PEAK3: variants seen among roughly 807,000 people sequenced by gnomAD.
PEAK3 encodes PEAK family member 3, also known as protein PEAK3.
PEAK3 carries 15 observed loss-of-function variants against 13.3 expected under a neutral mutation model. That is an observed-to-expected ratio of 1.13 (90% CI 0.75 to 1.73). PEAK3 has a LOEUF of 1.73. Ranked by LOEUF, PEAK3 falls within the 40% of genes most tolerant of loss-of-function variation. PEAK3 has a pLI of 0.00. For missense variants in PEAK3, 739 were observed against 690.2 expected (o/e 1.07, Z -0.79); for synonymous variants, 347 against 341.9 (o/e 1.01, Z -0.17).
chr19:2,275,734 C>G lies in PEAK3; in HGVS notation c.1368G>C (p.Leu456=). The G allele has an allele frequency of 5.7e-6, 9 of 1,566,174 alleles. No homozygotes were observed. Among genetic ancestry groups the G allele is most frequent in the Non-Finnish European group, 7.8e-6 (9 of 1,158,058 alleles). Residue 456 remains leucine, a synonymous_variant, in exon 4 of 4, where the codon CTG becomes CTC. Coordinates refer to ENST00000342063, the MANE Select transcript of PEAK3 (RefSeq NM_198532.3). ...CCATCGAGGACTCGGTGGCCTCGGC[C>G]AGGTATTCGCAACACAGCCAGTCCT... ...SLEDWLCCEY[L]AEATESSMGQ...
At position 2,280,937 on chromosome 19, in the gene PEAK3, TG is replaced by T; in HGVS notation, c.-4-3del. ...GGGGGCTCCGGGCTGCTCATGTTGC[TG>T]GGGAAAGGTCAAACGGGGCGTGTGT... is the stretch of plus-strand genomic sequence containing the variant. On this transcript the variant is annotated splice_region_variant and splice_polypyrimidine_tract_variant and intron_variant, in intron 1 of 3. Coordinates refer to ENST00000342063, the MANE Select transcript of PEAK3 (RefSeq NM_198532.3). 6.5e-7 allele frequency: 1 copy of T among 1,546,068 alleles called. No homozygotes were observed. The highest frequency in any genetic ancestry group is 1.4e-5 in the African/African-American group (1 of 71,588).
Position 2,275,619 on chromosome 19 carries a change from C to G in PEAK3, c.*61G>C. On this transcript the variant is annotated 3_prime_UTR_variant, in exon 4 of 4. Coordinates refer to ENST00000342063, the MANE Select transcript of PEAK3 (RefSeq NM_198532.3). ...TCTTGGCTATCATGGAGACGCTGAC[C>G]TCAGCCCCAGCCCTGCCTCCTGGGC... 1 of 1,333,764 alleles carries G rather than the reference C, an allele frequency of 7.5e-7. No individual in the cohort carries two copies. Among genetic ancestry groups the G allele is most frequent in the South Asian group, 1.9e-5 (1 of 51,404 alleles). 82.6% of individuals were successfully genotyped at this position (1,333,764 alleles called of 1,614,324 possible).
Position 2,276,204 on chromosome 19 carries a change from C to T in PEAK3, c.898G>A (p.Ala300Thr), listed in dbSNP as rs752225796. Residue 300 changes from alanine to threonine, a missense_variant, in exon 4 of 4, where the codon GCG (alanine) becomes ACG (threonine). Physicochemically the swap from Ala to Thr is moderately conservative, Grantham distance 58 (BLOSUM62 0). Coordinates refer to ENST00000342063, the MANE Select transcript of PEAK3 (RefSeq NM_198532.3). ...TCCGGCCGCAACTCGACTAGGGCCG[C>T]GCCCCACGCCTCCAGGAACTTCAGG... ...AALKFLEAWG[A>T]ALVELRPENL... The T allele has an allele frequency of 3.2e-6, 5 of 1,563,276 alleles. No homozygotes were observed. The highest frequency in any genetic ancestry group is 1.7e-4 in the Middle Eastern group (1 of 6,006).
Position 2,277,801 on chromosome 19 carries a change from A to G in PEAK3, c.612+783T>C, listed in dbSNP as rs184774179. 4.8e-4 allele frequency among the ~76,000 whole-genome samples: 71 copies of G among 147,686 alleles called. No homozygotes were observed. In the East Asian group the frequency reaches 0.01, roughly 21 times the overall value. ...AGGCTGGTCTCGAACTCCTGACCTC[A>G]TGATCTGCCCGCCTTGGCCTTCCAA... On this transcript the variant is annotated intron_variant, in intron 3 of 3. Coordinates refer to ENST00000342063, the MANE Select transcript of PEAK3 (RefSeq NM_198532.3).
chr19:2,277,496 C>A (rs114428459), intron 3 of PEAK3, among the ~76,000 whole-genome samples: 373 of 152,202 alleles, frequency 2.5e-3, no homozygotes, highest in African/African-American at 8.7e-3. Context: ...CAATTAAGGC[C>A]CTTTTCTCTA....
In PEAK3 at chr19:2,276,263, G is replaced by T. The variant is rs1156896373; in HGVS notation, c.839C>A (p.Ala280Asp). ...CAGCTGCAGCAGCAGCAGGGCCACA[G>T]CCCACACGAACTCCTCCGGCGGCTG... is the stretch of plus-strand genomic sequence containing the variant. Reference protein sequence around the residue: ...CTQPPEEFVWAVALLLLQLSA... With the variant: ...CTQPPEEFVWDVALLLLQLSA... Residue 280 changes from alanine (A) to aspartate (D), a missense_variant, in exon 4 of 4, where the codon GCT becomes GAT. By Grantham distance (126) the Ala-to-Asp change is moderately radical. Coordinates refer to ENST00000342063, the MANE Select transcript of PEAK3 (RefSeq NM_198532.3). 1.9e-6 allele frequency: 3 copies of T among 1,592,204 alleles called. No homozygotes were observed. Among genetic ancestry groups the T allele is most frequent in the Non-Finnish European group, 1.7e-6 (2 of 1,175,568 alleles).
At chr19:2,278,342 G>C (rs1163731631) in intron 3 of PEAK3, among the ~76,000 whole-genome samples, 1 of 141,968 alleles carries the variant, frequency 7.0e-6, no homozygotes, top group East Asian at 2.2e-4. Context: ...TGTATTTTTA[G>C]TAGAGGCTGG....
intron 2 of PEAK3, among the ~76,000 whole-genome samples, chr19:2,280,053 CTTTTTTTTT>C (rs34177687): frequency 3.8e-4 from 14 of 36,786 alleles, no homozygotes; most frequent in Non-Finnish European, 2.3e-4. Context: ...TGCACCTGGC[CTTTTTTTTT>C]TTTTTTTTTT....
At position 2,276,120 on chromosome 19, in the gene PEAK3, G is replaced by A. The variant is rs1253250054; in HGVS notation, c.982C>T (p.Leu328Phe). The A allele has an allele frequency of 6.5e-7, 1 of 1,527,700 alleles. No individual in the cohort carries two copies. Among genetic ancestry groups the A allele is most frequent in the Admixed American group, 2.0e-5 (1 of 49,282 alleles). 94.6% of individuals were successfully genotyped at this position (1,527,700 alleles called of 1,614,324 possible). A position where few individuals can be genotyped will look rare whatever the true frequency, so the allele number is the denominator to read the frequency against. ...AGACAGACGCGGCCAAAGTCAGTGA[G>A]GAGCAGGCGTGGGGGCCCCGTCGTC... ...CATTGPPRLL[L>F]TDFGRVCLQP... The change falls in exon 4 of 4, where the codon CTC (leucine) becomes TTC (phenylalanine). Residue 328 changes from leucine (L) to phenylalanine (F), a missense_variant. By Grantham distance (22) the Leu-to-Phe change is conservative. Coordinates refer to ENST00000342063, the MANE Select transcript of PEAK3 (RefSeq NM_198532.3).
chr19:2,281,670 G>C (rs923272139), intron 1 of PEAK3, among the ~76,000 whole-genome samples: 4 of 146,512 alleles, frequency 2.7e-5, no homozygotes, highest in Middle Eastern at 7.9e-3. Flanking sequence ...GGGCCCTGCT[G>C]TGTGATCCCG....
chr19:2,280,363 C>T (rs72987421), intron 2 of PEAK3, among the ~76,000 whole-genome samples: 9,760 of 151,694 alleles, frequency 0.064, 454 homozygotes, highest in Non-Finnish European at 0.1. Context: ...CATGAGTTAC[C>T]GTGCCCAGCC....
rs2025392364 is a variant in PEAK3, at chr19:2,276,561, C to T, written c.613-72G>A. The T allele has an allele frequency of 2.2e-6, 3 of 1,335,486 alleles. No homozygotes were observed. In the Admixed American group the frequency reaches 8.6e-5, roughly 38 times the overall value. 82.7% of individuals were successfully genotyped at this position (1,335,486 alleles called of 1,614,324 possible). Reference sequence around the variant, plus strand: ...CAAGCACCGCCTGCCCCAGTGCTACCTGCCCCGAAGCCTCCCACGCACACC... The same window carrying T: ...CAAGCACCGCCTGCCCCAGTGCTACTTGCCCCGAAGCCTCCCACGCACACC... On this transcript the variant is annotated intron_variant, in intron 3 of 3. Transcript: ENST00000342063.
intron 1 of PEAK3, 49 bp from the exon 2 acceptor site, chr19:2,280,984 C>G (rs1481761097): frequency 7.9e-7 from 1 of 1,273,574 alleles, no homozygotes; most frequent in African/African-American, 1.5e-5. Flanking sequence ...TGTGCACGCA[C>G]AGGGCGACAT....
rs2025377393 is a variant in PEAK3, at chr19:2,275,611, A to G, written c.*69T>C. On this transcript the variant is annotated 3_prime_UTR_variant, in exon 4 of 4. Transcript: ENST00000342063. ...AGAGGGTGTCTTGGCTATCATGGAG[A>G]CGCTGACCTCAGCCCCAGCCCTGCC... 8 of 1,290,784 alleles carry G rather than the reference A, an allele frequency of 6.2e-6. No homozygotes were observed. The highest frequency in any genetic ancestry group is 8.0e-6 in the Non-Finnish European group (8 of 999,164). 80.0% of individuals were successfully genotyped at this position (1,290,784 alleles called of 1,614,324 possible). A position where few individuals can be genotyped will look rare whatever the true frequency, so the allele number is the denominator to read the frequency against.
Position 2,281,163 on chromosome 19 carries a change from C to T in PEAK3, c.-4-228G>A, listed in dbSNP as rs200417847. Among the ~76,000 whole-genome samples, 67 of 143,822 alleles carry T rather than the reference C, an allele frequency of 4.7e-4. No individual in the cohort carries two copies. The East Asian group carries it at 7.3e-3, about 16-fold the overall frequency. The allele number at this position is 143,822 out of a possible 152,430, so 94.4% of individuals were successfully genotyped here. On this transcript the variant is annotated intron_variant, in intron 1 of 3. Coordinates refer to ENST00000342063, the MANE Select transcript of PEAK3 (RefSeq NM_198532.3). ...TCTCTGGGCCCCTGCTGTGTGATCCCGAGTGGGTTTCCTGTCCTCTCTGGG... is the reference window on the plus strand; with the variant it reads ...TCTCTGGGCCCCTGCTGTGTGATCCTGAGTGGGTTTCCTGTCCTCTCTGGG...
chr19:2,279,149 G>A, intron 2 of PEAK3, 36 bp from the exon 3 acceptor site: 2 of 1,387,098 alleles, frequency 1.4e-6, no homozygotes, highest in Non-Finnish European at 1.9e-6. Context: ...GTTGAGGACA[G>A]GCGGAGTGGG....
At chr19:2,278,229 A>C (rs1331626049) in intron 3 of PEAK3, among the ~76,000 whole-genome samples, 1 of 147,920 alleles carries the variant, frequency 6.8e-6, no homozygotes, top group Non-Finnish European at 1.5e-5. Flanking sequence ...CAATGGCCCA[A>C]TCTTGGCTTA....
chr19:2,281,846 G>A (rs1299262751), intron 1 of PEAK3, among the ~76,000 whole-genome samples: 2 of 152,234 alleles, frequency 1.3e-5, no homozygotes, highest in Non-Finnish European at 2.9e-5. Context: ...CAGGCAGTGG[G>A]AAGGACCCCC....
At chr19:2,279,525 G>A (rs1030855328) in intron 2 of PEAK3, among the ~76,000 whole-genome samples, 1 of 151,908 alleles carries the variant, frequency 6.6e-6, no homozygotes, top group Non-Finnish European at 1.5e-5. Context: ...GCTTGGTGGT[G>A]GGCGCCTGTG....
Sources: allele counts gnomAD v4.1 joint callset (sites outside exome capture counted in the v4.1 genomes callset), GRCh38; gene constraint gnomAD v4.1.1; transcripts MANE v1.5; gene names NCBI Gene and HGNC (gene_info 2026-07-23, HGNC 2026-07-21).